The following MYT1L variants were observed in gnomAD, a reference collection of about 807,000 sequenced individuals.
MYT1L encodes the protein myelin transcription factor 1 like, also known as myelin transcription factor 1-like protein.
In MYT1L, 12 loss-of-function variants were observed where a neutral mutation model predicts 126.7. The observed-to-expected ratio is 0.09, with a 90% CI of 0.06 to 0.15. The LOEUF is 0.15. Ranked by LOEUF, MYT1L falls within the 10% of genes least tolerant of loss-of-function variation. The pLI, the probability that MYT1L is intolerant of heterozygous loss-of-function variation, is 1.00. For missense variants in MYT1L, 979 were observed against 1,585.2 expected (o/e 0.62, Z 6.49); for synonymous variants, 541 against 604.2 (o/e 0.90, Z 1.53).
intron 2 of MYT1L, among the ~76,000 whole-genome samples, chr2:2,205,483 G>C (rs77805660): frequency 0.043 from 6,612 of 152,206 alleles, 219 homozygotes; most frequent in South Asian, 0.13. Context: ...AAAAAAGGAA[G>C]ACTGAATTAT....
At position 1,922,557 on chromosome 2, in the gene MYT1L, C is replaced by T. The variant is rs573201217; in HGVS notation, c.1212G>A (p.Gly404=). ...RVFASCAKED[G]CHERDDDTTS... Reference sequence around the variant, plus strand: ...TGGTATCGTCGTCCCGCTCATGACACCCATCCTCCTTCGCACAGCTGGCAA... The same window carrying T: ...TGGTATCGTCGTCCCGCTCATGACATCCATCCTCCTTCGCACAGCTGGCAA... The change falls in exon 10 of 25, where the codon GGG becomes GGA. Residue 404 remains glycine (G), a synonymous_variant. Transcript: ENST00000647738. This position sits in a 1 kb window ranked among gnomAD's most constrained non-coding sequence, Gnocchi z 7.4. 7 of 1,614,020 alleles carry T rather than the reference C, an allele frequency of 4.3e-6. No individual in the cohort carries two copies. The African/African-American group carries it at 6.7e-5, about 15-fold the overall frequency.
chr2:1,855,765 C>A (rs925788408), intron 18 of MYT1L, among the ~76,000 whole-genome samples: 1 of 151,998 alleles, frequency 6.6e-6, no homozygotes, highest in Non-Finnish European at 1.5e-5. Flanking sequence ...GAAACCCACA[C>A]GAGCTGCCCC....
chr2:1,873,068 C>A (rs2046457018), intron 18 of MYT1L, among the ~76,000 whole-genome samples: 1 of 152,148 alleles, frequency 6.6e-6, no homozygotes, highest in African/African-American at 2.4e-5. Context: ...TGCAGAGGGG[C>A]CATAGAAATC....
chr2:2,141,802 C>T (rs555457519), intron 3 of MYT1L, among the ~76,000 whole-genome samples: 11 of 152,226 alleles, frequency 7.2e-5, no homozygotes, highest in African/African-American at 2.4e-4. Context: ...CTCAGCCAAA[C>T]GCCAGAGAGC....
At chr2:2,307,754 C>T (rs13427338) in intron 1 of MYT1L, among the ~76,000 whole-genome samples, 2 of 146,564 alleles carry the variant, frequency 1.4e-5, no homozygotes, top group East Asian at 3.9e-4. Context: ...TCAGTACTCT[C>T]TCTATATTCC....
chr2:1,960,876 C>A (rs930746872), intron 8 of MYT1L, among the ~76,000 whole-genome samples: 1 of 151,970 alleles, frequency 6.6e-6, no homozygotes, highest in Non-Finnish European at 1.5e-5. Flanking sequence ...CCGCAGTGCA[C>A]CCGCCTCCCT....
Position 1,848,420 on chromosome 2 carries a change from A to G in MYT1L, c.2774+3221T>C, listed in dbSNP as rs190933673. ...CGCGAGGCGGATCTGTGCTCTGAAC[A>G]GGTTCAGGATCATTGTTTGGTGACT... On this transcript the variant is annotated intron_variant, in intron 19 of 24. Coordinates refer to ENST00000647738, the MANE Select transcript of MYT1L (RefSeq NM_001303052.2). The surrounding 1 kb of genome is among the most constrained non-coding windows in gnomAD (Gnocchi z 4.8). Among the ~76,000 whole-genome samples, 137 of 151,530 alleles carry G rather than the reference A, an allele frequency of 9.0e-4. No homozygotes were observed. The highest frequency in any genetic ancestry group is 1.8e-3 in the Non-Finnish European group (120 of 68,022).
At chr2:1,891,347 C>T (rs2148869332) in intron 15 of MYT1L, among the ~76,000 whole-genome samples, 1 of 152,284 alleles carries the variant, frequency 6.6e-6, no homozygotes, top group Middle Eastern at 3.4e-3. Flanking sequence ...TCCCTGGCAC[C>T]GCCTGGTTCT....
At chr2:2,211,153 C>A (rs1332541812) in intron 2 of MYT1L, among the ~76,000 whole-genome samples, 1 of 152,134 alleles carries the variant, frequency 6.6e-6, no homozygotes, top group East Asian at 1.9e-4. Flanking sequence ...AATATAAAAT[C>A]ATATCATCTG....
intron 3 of MYT1L, among the ~76,000 whole-genome samples, chr2:2,097,529 C>T (rs943347696): frequency 6.6e-6 from 1 of 152,162 alleles, no homozygotes; most frequent in African/African-American, 2.4e-5. Flanking sequence ...AGTAACACAA[C>T]ACACGGTTAT....
At chr2:1,804,801 C>T (rs146624504) in intron 22 of MYT1L, among the ~76,000 whole-genome samples, 2 of 152,116 alleles carry the variant, frequency 1.3e-5, no homozygotes, top group Admixed American at 6.5e-5. Flanking sequence ...GAATATTAAG[C>T]GAAATAAGTA....
chr2:2,216,220 G>A (rs951782749), intron 2 of MYT1L, among the ~76,000 whole-genome samples: 3 of 152,092 alleles, frequency 2.0e-5, no homozygotes, highest in Non-Finnish European at 4.4e-5. Context: ...TTTATAGAAT[G>A]CAAGAACAGC....
intron 9 of MYT1L, among the ~76,000 whole-genome samples, chr2:1,931,148 G>A (rs937235991): frequency 3.9e-5 from 6 of 152,202 alleles, no homozygotes; most frequent in African/African-American, 1.4e-4. Flanking sequence ...GAGGAGAAGG[G>A]TGGGGCCGGC....
chr2:1,816,590 G>A (rs2037687264), intron 21 of MYT1L: 1 of 152,886 alleles, frequency 6.5e-6, no homozygotes, highest in Non-Finnish European at 1.5e-5. Context: ...CAGCTTAAAA[G>A]CCACAGCCAA....
chr2:2,049,483 A>G (rs1465025471), intron 4 of MYT1L, among the ~76,000 whole-genome samples: 2 of 152,266 alleles, frequency 1.3e-5, no homozygotes, highest in Non-Finnish European at 2.9e-5. Flanking sequence ...TGTGTCATTT[A>G]TTAACTGTGT....
chr2:2,089,317 C>T (rs2076671375), intron 3 of MYT1L, among the ~76,000 whole-genome samples: 1 of 152,224 alleles, frequency 6.6e-6, no homozygotes, highest in Admixed American at 6.5e-5. Context: ...GGAAGTACTG[C>T]AGAAGGGCTT....
chr2:1,813,788 G>A (rs1050613586), intron 21 of MYT1L, among the ~76,000 whole-genome samples: 3 of 149,978 alleles, frequency 2.0e-5, no homozygotes, highest in Admixed American at 6.7e-5. Context: ...AGCACTTTGG[G>A]AGGCCGAGGC....
At chr2:2,286,849 C>T (rs935052629) in intron 1 of MYT1L, among the ~76,000 whole-genome samples, 15 of 152,252 alleles carry the variant, frequency 9.9e-5, no homozygotes, top group Admixed American at 3.3e-4. Flanking sequence ...GGGAAGGGTG[C>T]GCGAAATCAC....
intron 3 of MYT1L, among the ~76,000 whole-genome samples, chr2:2,114,536 A>C (rs1465107402): frequency 1.3e-5 from 2 of 152,270 alleles, no homozygotes; most frequent in Admixed American, 1.3e-4. Flanking sequence ...TATTTGCCAC[A>C]CTTTGTAATT....
Sources: gnomAD v4.1 joint callset for allele counts (sites outside exome capture counted in the v4.1 genomes callset) on GRCh38, gnomAD v4.1.1 for gene constraint, Gnocchi (gnomAD v3.1) non-coding constraint, MANE v1.5 for transcripts, NCBI Gene and HGNC (gene_info 2026-07-23, HGNC 2026-07-21) for gene names.